Variants in TENM4 observed in about 807,000 individuals in gnomAD.
The protein encoded by TENM4 is teneurin-4.
In TENM4, 82 loss-of-function variants were observed where a neutral mutation model predicts 243.3. That is an observed-to-expected ratio of 0.34 (90% CI 0.28 to 0.40). The LOEUF (loss-of-function observed/expected upper bound fraction) is 0.40. Ranked by LOEUF, TENM4 falls within the 10% of genes least tolerant of loss-of-function variation. TENM4 has a pLI of 1.00. For missense variants in TENM4, 3,138 were observed against 3,673.3 expected (o/e 0.85, Z 3.77); for synonymous variants, 1,412 against 1,456.3 (o/e 0.97, Z 0.69).
chr11:78,770,131 T>C (rs1211581123), intron 18 of TENM4, among the ~76,000 whole-genome samples: 4 of 152,236 alleles, frequency 2.6e-5, no homozygotes, highest in Non-Finnish European at 5.9e-5. Context: ...CATATCTTTA[T>C]CTTTTTATTC....
At chr11:78,706,372 G>A (rs1445005871) in intron 27 of TENM4, among the ~76,000 whole-genome samples, 1 of 152,170 alleles carries the variant, frequency 6.6e-6, no homozygotes, top group Non-Finnish European at 1.5e-5. Context: ...TCCCAAAGGA[G>A]CTGGTCCAAG....
Position 78,790,206 on chromosome 11 carries a change from A to G in TENM4, c.2180-3123T>C, listed in dbSNP as rs867190548. On this transcript the variant is annotated intron_variant, in intron 15 of 33. Coordinates refer to ENST00000278550, the MANE Select transcript of TENM4 (RefSeq NM_001098816.3). The stretch of plus-strand genomic sequence containing the variant: ...TCAAAAGATTATCCAAATAATCTAT[A>G]GCTATGACTCATGCCTGCACCTTTT... Among the ~76,000 whole-genome samples, 6 of 152,256 alleles carry G rather than the reference A, an allele frequency of 3.9e-5. No individual in the cohort carries two copies. In the South Asian group the frequency reaches 6.2e-4, roughly 16 times the overall value.
intron 3 of TENM4, among the ~76,000 whole-genome samples, chr11:79,170,518 G>A (rs975256589): frequency 3.3e-5 from 5 of 152,188 alleles, no homozygotes; most frequent in Admixed American, 2.6e-4. Flanking sequence ...AGTAGGGCAG[G>A]CCCCTAATCC....
intron 4 of TENM4, among the ~76,000 whole-genome samples, chr11:79,074,765 C>A (rs1860496503): frequency 6.6e-6 from 1 of 152,174 alleles, no homozygotes; most frequent in African/African-American, 2.4e-5. Context: ...AGTGTGTCTT[C>A]CCTGCCCCCA....
intron 4 of TENM4, among the ~76,000 whole-genome samples, chr11:79,075,203 A>T (rs1387466922): frequency 6.6e-6 from 1 of 152,212 alleles, no homozygotes; most frequent in African/African-American, 2.4e-5. Context: ...ACCTCTGTGA[A>T]TCGGTCCCAT....
chr11:78,816,488 A>C (rs1312397043), intron 12 of TENM4, among the ~76,000 whole-genome samples: 1 of 152,250 alleles, frequency 6.6e-6, no homozygotes, highest in Non-Finnish European at 1.5e-5. Context: ...ACAGTGGGAC[A>C]GAGAAGCCCA....
intron 2 of TENM4, among the ~76,000 whole-genome samples, chr11:79,252,207 C>A (rs939184233): frequency 1.3e-5 from 2 of 152,136 alleles, no homozygotes; most frequent in Admixed American, 6.5e-5. Flanking sequence ...AACAGTCATC[C>A]CTGGGGAAAA....
intron 1 of TENM4, among the ~76,000 whole-genome samples, chr11:79,425,302 ACTTGAC>A (rs1859025813): frequency 6.6e-6 from 1 of 152,084 alleles, no homozygotes; most frequent in African/African-American, 2.4e-5. Flanking sequence ...TTCTTAATAG[ACTTGAC>A]AGCACTGCTT....
At chr11:79,140,201 C>T (rs1170609879) in intron 4 of TENM4, among the ~76,000 whole-genome samples, 1 of 152,084 alleles carries the variant, frequency 6.6e-6, no homozygotes, top group Non-Finnish European at 1.5e-5. Context: ...AGGTTCCCAC[C>T]TGCTAGCCAG....
chr11:79,231,818 C>T (rs755859698), intron 2 of TENM4, among the ~76,000 whole-genome samples: 47 of 152,110 alleles, frequency 3.1e-4, no homozygotes, highest in Non-Finnish European at 5.3e-4. Flanking sequence ...ATGGCTCATG[C>T]CTCATAATCC....
intron 29 of TENM4, among the ~76,000 whole-genome samples, chr11:78,677,249 C>T (rs1480420404): frequency 2.9e-5 from 4 of 137,110 alleles, no homozygotes; most frequent in South Asian, 2.3e-4. Context: ...AAGGGTTGAA[C>T]TTTTTTTTTT....
At chr11:79,350,941 A>G (rs993042807) in intron 1 of TENM4, among the ~76,000 whole-genome samples, 1 of 151,896 alleles carries the variant, frequency 6.6e-6, no homozygotes, top group Admixed American at 6.6e-5. Flanking sequence ...CCAAGATTCT[A>G]TGTGGCCTGA....
chr11:79,280,203 C>A (rs1170806369), intron 2 of TENM4, among the ~76,000 whole-genome samples: 5 of 152,200 alleles, frequency 3.3e-5, no homozygotes, highest in African/African-American at 1.2e-4. Flanking sequence ...GCTGAAGATA[C>A]CAGTCTTCTG....
chr11:78,956,161 A>G (rs1362810048), intron 6 of TENM4, among the ~76,000 whole-genome samples: 1 of 151,968 alleles, frequency 6.6e-6, no homozygotes, highest in Non-Finnish European at 1.5e-5. Context: ...TTCAATTTTG[A>G]TTTTAGCACA....
intron 9 of TENM4, among the ~76,000 whole-genome samples, chr11:78,887,356 T>C (rs764912887): frequency 6.6e-6 from 1 of 152,222 alleles, no homozygotes; most frequent in Non-Finnish European, 1.5e-5. Context: ...CTACTCCTCT[T>C]GGCTGGGGTT....
chr11:78,805,244 G>A, intron 15 of TENM4, 48 bp downstream of exon 15: 2 of 99,446 alleles, frequency 2.0e-5, no homozygotes, highest in Non-Finnish European at 2.8e-5. Context: ...CCATGTCACA[G>A]TGGAAATCCC....
At chr11:79,251,984 C>A (rs1855618929) in intron 2 of TENM4, among the ~76,000 whole-genome samples, 1 of 151,706 alleles carries the variant, frequency 6.6e-6, no homozygotes, top group Non-Finnish European at 1.5e-5. Context: ...CAAAAGAGGG[C>A]AAATCAGAAG....
chr11:79,282,955 A>G (rs931622581), intron 2 of TENM4, among the ~76,000 whole-genome samples: 2 of 152,162 alleles, frequency 1.3e-5, no homozygotes, highest in East Asian at 3.8e-4. Flanking sequence ...GCTTCACTGC[A>G]GTGTTGTTTC....
intron 28 of TENM4, among the ~76,000 whole-genome samples, chr11:78,695,292 C>T (rs1858932000): frequency 6.6e-6 from 1 of 152,092 alleles, no homozygotes; most frequent in Admixed American, 6.5e-5. Flanking sequence ...TCCCTTACCC[C>T]TCCCTATACC....
Sources: allele counts gnomAD v4.1 joint callset (sites outside exome capture counted in the v4.1 genomes callset), GRCh38; gene constraint gnomAD v4.1.1; transcripts MANE v1.5; gene names NCBI Gene and HGNC (gene_info 2026-07-23, HGNC 2026-07-21).